EYS: variants seen among roughly 807,000 people sequenced by gnomAD.
The protein encoded by EYS is protein eyes shut homolog.
Under a neutral mutation model 282.1 loss-of-function variants are expected in EYS, and 250 were observed. The observed-to-expected ratio is 0.89, with a 90% CI of 0.80 to 0.98. The LOEUF is 0.98. Ranked by LOEUF, EYS falls within the 50% of genes least tolerant of loss-of-function variation. The probability of loss-of-function intolerance (pLI) is 0.00; values close to 1 mark genes in which losing one functional copy is unlikely to be tolerated. For synonymous variants in EYS, 1,355 were observed against 1,282.9 expected (o/e 1.06, Z -1.20); for missense variants, 4,016 against 3,709.0 (o/e 1.08, Z -2.15).
chr6:63,879,373 T>A (rs540518569), intron 35 of EYS, among the ~76,000 whole-genome samples: 23 of 152,152 alleles, frequency 1.5e-4, no homozygotes, highest in Non-Finnish European at 2.9e-4. Context: ...AACCTCTGGA[T>A]TACAATGCTG....
chr6:64,082,281 A>G (rs1437871436), intron 31 of EYS, among the ~76,000 whole-genome samples: 1 of 152,132 alleles, frequency 6.6e-6, no homozygotes, highest in African/African-American at 2.4e-5. Flanking sequence ...AAATTGTCTG[A>G]AAAAAATTTG....
chr6:64,822,507 A>T lies in EYS; in HGVS notation c.3164+144T>A, dbSNP rs2150022535. 9.1e-6 allele frequency: 6 copies of T among 656,440 alleles called. No homozygotes were observed. The South Asian group carries it at 1.1e-4, about 13-fold the overall frequency. The allele number at this position is 656,440 out of a possible 1,614,324, so 40.7% of individuals were successfully genotyped here. On this transcript the variant is annotated intron_variant, in intron 20 of 42. Transcript: ENST00000503581. ...CATTGCATTAGCTAAAACTGGCAGC[A>T]TCTGTCATCTTAAATGTACTTAGCT...
intron 5 of EYS, among the ~76,000 whole-genome samples, chr6:65,425,297 A>G (rs1767617937): frequency 6.6e-6 from 1 of 152,100 alleles, no homozygotes; most frequent in African/African-American, 2.4e-5. Context: ...TCAATTTTAA[A>G]TAGATATAGT....
intron 37 of EYS, among the ~76,000 whole-genome samples, chr6:63,803,482 G>GT (rs1770827607): frequency 6.6e-6 from 1 of 152,142 alleles, no homozygotes; most frequent in African/African-American, 2.4e-5. Context: ...GCCAAAGCCT[G>GT]TAACAAAGGC....
At chr6:64,952,118 C>A (rs1448150545) in intron 14 of EYS, among the ~76,000 whole-genome samples, 1 of 151,934 alleles carries the variant, frequency 6.6e-6, no homozygotes, top group Non-Finnish European at 1.5e-5. Flanking sequence ...CAACTTACTC[C>A]CCAGTATCAG....
At chr6:64,151,325 A>ATATATATATATATATATATT (rs1562226627) in intron 31 of EYS, among the ~76,000 whole-genome samples, 160 of 78,602 alleles carry the variant, frequency 2.0e-3, no homozygotes, top group African/African-American at 9.8e-3. Flanking sequence ...ATTTATATAT[A>ATATATATATATATATATATT]TATATATATA....
chr6:64,151,312 T>A (rs1238495363), intron 31 of EYS, among the ~76,000 whole-genome samples: 1 of 46,206 alleles, frequency 2.2e-5, no homozygotes, highest in Non-Finnish European at 3.8e-5. Context: ...TGTGTGTGTG[T>A]ATATTTATAT....
chr6:64,154,969 AT>A (rs1774868260), intron 31 of EYS, among the ~76,000 whole-genome samples: 1 of 152,114 alleles, frequency 6.6e-6, no homozygotes, highest in African/African-American at 2.4e-5. Flanking sequence ...GTCCTGAGGG[AT>A]TGTAAAACTA....
intron 29 of EYS, among the ~76,000 whole-genome samples, chr6:64,353,601 G>GCAAA (rs1479909148): frequency 6.6e-6 from 1 of 151,630 alleles, no homozygotes; most frequent in Non-Finnish European, 1.5e-5. Flanking sequence ...ATGGATAAAG[G>GCAAA]CGTTTAGGTT....
chr6:65,218,191 A>G (rs1195139898), intron 12 of EYS, among the ~76,000 whole-genome samples: 1 of 152,106 alleles, frequency 6.6e-6, no homozygotes, highest in Non-Finnish European at 1.5e-5. Context: ...ATAAATGAAC[A>G]TTAGATAGTA....
intron 1 of EYS, among the ~76,000 whole-genome samples, chr6:65,652,278 A>G (rs940511624): frequency 1.3e-5 from 2 of 152,090 alleles, no homozygotes; most frequent in African/African-American, 4.8e-5. Flanking sequence ...ACTGAACACT[A>G]TGATGGAGTT....
intron 12 of EYS, among the ~76,000 whole-genome samples, chr6:65,148,455 T>G (rs549147680): frequency 6.6e-6 from 1 of 152,270 alleles, no homozygotes; most frequent in South Asian, 2.1e-4. Context: ...GGCATACTGA[T>G]GCAAGAGATA....
At chr6:63,951,252 A>G (rs796200995) in intron 35 of EYS, among the ~76,000 whole-genome samples, 21 of 152,280 alleles carry the variant, frequency 1.4e-4, no homozygotes, top group African/African-American at 5.1e-4. Context: ...TTCTTCTGCA[A>G]TGCCACTTGA....
intron 2 of EYS, among the ~76,000 whole-genome samples, chr6:65,635,596 G>A (rs1390082121): frequency 1.3e-5 from 2 of 152,158 alleles, no homozygotes; most frequent in Non-Finnish European, 2.9e-5. Context: ...TTACAGGCAC[G>A]AGCCACAGCA....
chr6:64,918,778 A>G (rs142119110), intron 15 of EYS, among the ~76,000 whole-genome samples: 83 of 152,312 alleles, frequency 5.4e-4, no homozygotes, highest in African/African-American at 1.8e-3. Flanking sequence ...CGATGGAAAT[A>G]GAAGAAAATA....
intron 9 of EYS, among the ~76,000 whole-genome samples, chr6:65,346,844 T>G (rs540666450): frequency 6.6e-6 from 1 of 151,878 alleles, no homozygotes; most frequent in South Asian, 2.1e-4. Flanking sequence ...AAACACAAAT[T>G]ATATATAAAG....
At chr6:65,457,957 A>G (rs1355075888) in intron 5 of EYS, among the ~76,000 whole-genome samples, 1 of 152,010 alleles carries the variant, frequency 6.6e-6, no homozygotes, top group African/African-American at 2.4e-5. Context: ...TCAAACCTAT[A>G]TTACCTTCTT....
chr6:65,259,058 A>G (rs1767547000), intron 12 of EYS, among the ~76,000 whole-genome samples: 1 of 152,104 alleles, frequency 6.6e-6, no homozygotes, highest in African/African-American at 2.4e-5. Context: ...AAGAATGATT[A>G]CAGAAATTTA....
At chr6:64,194,526 TTGAAAG>T (rs1765221563) in intron 31 of EYS, among the ~76,000 whole-genome samples, 2 of 152,206 alleles carry the variant, frequency 1.3e-5, no homozygotes, top group Admixed American at 6.5e-5. Flanking sequence ...TTACATATTA[TTGAAAG>T]TGAATTTCTT....
Sources: allele counts gnomAD v4.1 joint callset (sites outside exome capture counted in the v4.1 genomes callset), GRCh38; gene constraint gnomAD v4.1.1; transcripts MANE v1.5; gene names NCBI Gene and HGNC (gene_info 2026-07-23, HGNC 2026-07-21).